The following CCDC122 variants were observed in gnomAD, a reference collection of about 807,000 sequenced individuals.
CCDC122 encodes coiled-coil domain-containing protein 122.
CCDC122 carries 38 observed loss-of-function variants against 37.0 expected under a neutral mutation model. The ratio of observed to expected loss-of-function variants is 1.03; its 90% CI spans 0.79 to 1.35. The LOEUF (loss-of-function observed/expected upper bound fraction) is 1.35, where lower values mean the gene tolerates loss of function less well. Ranked by LOEUF, CCDC122 falls within the 40% of genes most tolerant of loss-of-function variation. The pLI, the probability that CCDC122 is intolerant of heterozygous loss-of-function variation, is 0.00. For missense variants in CCDC122, 305 were observed against 310.0 expected (o/e 0.98, Z 0.12); for synonymous variants, 83 against 95.6 (o/e 0.87, Z 0.77).
chr13:43,829,335 T>G (rs943236974), intron 3 of CCDC122, among the ~76,000 whole-genome samples: 2 of 152,196 alleles, frequency 1.3e-5, no homozygotes, highest in African/African-American at 4.8e-5. Flanking sequence ...AGACGGAGTC[T>G]TGCTCTATCA....
At chr13:43,857,669 G>A (rs113968650) in intron 6 of CCDC122, among the ~76,000 whole-genome samples, 4 of 152,040 alleles carry the variant, frequency 2.6e-5, no homozygotes, top group South Asian at 2.1e-4. Context: ...TTGGGAGGCC[G>A]AGGCAGGCGG....
At chr13:43,830,067 G>T (rs534282051) in intron 3 of CCDC122, among the ~76,000 whole-genome samples, 1 of 151,914 alleles carries the variant, frequency 6.6e-6, no homozygotes, top group Non-Finnish European at 1.5e-5. Context: ...GTAGAGACAG[G>T]GTTTCACCAC....
chr13:43,855,746 T>C (rs762395985), intron 6 of CCDC122: 3 of 152,132 alleles, frequency 2.0e-5, no homozygotes, highest in African/African-American at 4.8e-5. Context: ...AGAACACTTA[T>C]TATACACTGT....
chr13:43,845,396 A>G (rs9533652), intron 6 of CCDC122, among the ~76,000 whole-genome samples: 77,042 of 152,132 alleles, frequency 0.51, 20,787 homozygotes, highest in Non-Finnish European at 0.62. Flanking sequence ...CCTTTCCAGT[A>G]TCATTTCCTT....
At chr13:43,827,272 A>G (rs1392444672) in intron 3 of CCDC122, among the ~76,000 whole-genome samples, 2 of 152,232 alleles carry the variant, frequency 1.3e-5, no homozygotes, top group East Asian at 1.9e-4. Flanking sequence ...ATGTTCATAC[A>G]TTTTGGTGTA....
At chr13:43,827,696 TG>T (rs1198000265) in intron 3 of CCDC122, among the ~76,000 whole-genome samples, 1 of 152,236 alleles carries the variant, frequency 6.6e-6, no homozygotes, top group Non-Finnish European at 1.5e-5. Flanking sequence ...ACAGAAGTTC[TG>T]CAGGGCTGAC....
intron 6 of CCDC122, chr13:43,854,911 G>A (rs187234842): frequency 5.9e-5 from 9 of 151,972 alleles, no homozygotes; most frequent in East Asian, 5.8e-4. Context: ...AAAGACTGTC[G>A]ATACAATTTA....
At chr13:43,851,933 A>G (rs1326310607) in intron 6 of CCDC122, among the ~76,000 whole-genome samples, 2 of 149,710 alleles carry the variant, frequency 1.3e-5, no homozygotes, top group Non-Finnish European at 3.0e-5. Flanking sequence ...AACCCTCAAG[A>G]TCATCAAATA....
intron 6 of CCDC122, among the ~76,000 whole-genome samples, chr13:43,857,384 T>C (rs1228544809): frequency 6.6e-6 from 1 of 152,152 alleles, no homozygotes; most frequent in Non-Finnish European, 1.5e-5. Flanking sequence ...TTTTCTCTTT[T>C]AAAATAAATG....
chr13:43,838,008 C>T (rs1398631552), intron 6 of CCDC122, among the ~76,000 whole-genome samples: 1 of 152,100 alleles, frequency 6.6e-6, no homozygotes, highest in Non-Finnish European at 1.5e-5. Context: ...ATACCATATT[C>T]AAATAAAACA....
downstream of CCDC122, among the ~76,000 whole-genome samples, chr13:43,823,067 A>G (rs1240421421): frequency 1.3e-5 from 2 of 152,052 alleles, no homozygotes; most frequent in African/African-American, 4.8e-5. Flanking sequence ...ACCTAAAGCC[A>G]ACACATCTCA....
At chr13:43,839,106 T>A (rs1953263517) in intron 6 of CCDC122, among the ~76,000 whole-genome samples, 1 of 152,110 alleles carries the variant, frequency 6.6e-6, no homozygotes, top group African/African-American at 2.4e-5. Context: ...TGGGCGGGTA[T>A]GGAAAAAATG....
At chr13:43,834,187 T>G (rs1953117350), downstream of CCDC122, among the ~76,000 whole-genome samples, 4 of 152,304 alleles carry the variant, frequency 2.6e-5, no homozygotes, top group African/African-American at 7.2e-5. Context: ...TTGACAAACC[T>G]GGCAAAAACA....
chr13:43,871,536 T>C (rs1030201258), intron 2 of CCDC122, among the ~76,000 whole-genome samples: 1 of 152,254 alleles, frequency 6.6e-6, no homozygotes, highest in Non-Finnish European at 1.5e-5. Flanking sequence ...TCATTCTTCA[T>C]CATAAGAACC....
chr13:43,861,720 T>C (rs1034830459), intron 4 of CCDC122, among the ~76,000 whole-genome samples: 12 of 152,340 alleles, frequency 7.9e-5, no homozygotes, highest in Admixed American at 3.3e-4. Context: ...TCAATTTTTA[T>C]CATCAGCTCT....
rs76162100 is a variant in CCDC122, at chr13:43,842,958, T to A, written c.673-5529A>T. Among the ~76,000 whole-genome samples the A allele has an allele frequency of 2.9e-4, 44 of 152,214 alleles. No homozygotes were observed. The East Asian group carries it at 8.5e-3, about 29-fold the overall frequency. On this transcript the variant is annotated intron_variant, in intron 6 of 6. Transcript: ENST00000444614. ...ATTTTCTACATAAACAATTATGCTA[T>A]CTGTGAATAATGACAGTTTTACTTT...
intron 6 of CCDC122, chr13:43,854,508 C>T (rs1223901676): frequency 6.6e-6 from 1 of 152,130 alleles, no homozygotes; most frequent in African/African-American, 2.4e-5. Context: ...GAAAAAAGCC[C>T]AGTACCAGAT....
chr13:43,870,279 A>G (rs1023149760), intron 2 of CCDC122, among the ~76,000 whole-genome samples: 2 of 151,980 alleles, frequency 1.3e-5, no homozygotes, highest in African/African-American at 4.8e-5. Flanking sequence ...CTTCCTTCAA[A>G]TCTCACTTCA....
At chr13:43,868,578 A>G in intron 4 of CCDC122, 116 bp downstream of exon 4, 1 of 548,756 alleles carries the variant, frequency 1.8e-6, no homozygotes, top group Non-Finnish European at 3.0e-6. Context: ...AGAACAGAAT[A>G]ATTGACAGAG....
Sources: allele counts gnomAD v4.1 joint callset (sites outside exome capture counted in the v4.1 genomes callset), GRCh38; gene constraint gnomAD v4.1.1; transcripts MANE v1.5; gene names NCBI Gene and HGNC (gene_info 2026-07-23, HGNC 2026-07-21).